The following ZNF385D variants were observed in gnomAD, a reference collection of about 807,000 sequenced individuals.
The protein encoded by ZNF385D is zinc finger protein 659.
ZNF385D carries 15 observed loss-of-function variants against 35.8 expected under a neutral mutation model. The observed-to-expected ratio is 0.42, with a 90% CI of 0.28 to 0.64. The LOEUF (loss-of-function observed/expected upper bound fraction) is 0.64. ZNF385D is among the 30% of genes least tolerant of loss of function. ZNF385D has a pLI of 0.23. For synonymous variants in ZNF385D, 212 were observed against 186.8 expected, an observed-to-expected ratio of 1.13 and a Z score of -1.10; for missense variants, 474 against 494.6, an observed-to-expected ratio of 0.96 and a Z score of 0.39.
At chr3:22,030,681 A>C (rs1697946874) in intron 3 of ZNF385D, among the ~76,000 whole-genome samples, 1 of 152,054 alleles carries the variant, frequency 6.6e-6, no homozygotes, top group African/African-American at 2.4e-5. Context: ...CACAAAGCCA[A>C]ACCATATCAT....
At chr3:21,834,932 G>T (rs553354330) in intron 3 of ZNF385D, among the ~76,000 whole-genome samples, 2 of 152,108 alleles carry the variant, frequency 1.3e-5, no homozygotes, top group African/African-American at 4.8e-5. Flanking sequence ...TCCCAGTCAT[G>T]TAGAATGGTG....
intron 3 of ZNF385D, among the ~76,000 whole-genome samples, chr3:22,032,773 T>C (rs1698080834): frequency 1.3e-5 from 2 of 152,174 alleles, no homozygotes; most frequent in Admixed American, 1.3e-4. Flanking sequence ...ATACTAATGC[T>C]TACTGAGTAC....
chr3:21,928,009 A>T (rs1334195599), intron 3 of ZNF385D, among the ~76,000 whole-genome samples: 2 of 152,114 alleles, frequency 1.3e-5, no homozygotes, highest in Non-Finnish European at 2.9e-5. Context: ...AGTTCACTTG[A>T]GCACAGGAGA....
intron 3 of ZNF385D, among the ~76,000 whole-genome samples, chr3:21,982,819 T>A (rs1016698954): frequency 3.1e-5 from 1 of 32,734 alleles, no homozygotes; most frequent in Non-Finnish European, 5.9e-5. Context: ...ATTGAAAGCC[T>A]TTTTTTTTGC....
At chr3:21,977,797 C>G (rs1292042324) in intron 3 of ZNF385D, among the ~76,000 whole-genome samples, 1 of 152,036 alleles carries the variant, frequency 6.6e-6, no homozygotes, top group African/African-American at 2.4e-5. Context: ...GATCACACCA[C>G]TGTACTCTAG....
At chr3:22,111,152 ATTTTTT>A (rs61708178) in intron 3 of ZNF385D, among the ~76,000 whole-genome samples, 13 of 68,974 alleles carry the variant, frequency 1.9e-4, no homozygotes, top group Admixed American at 7.4e-4. Context: ...TCCATGTTGG[ATTTTTT>A]TTTTTTTTTT....
At chr3:22,271,689 C>CCT (rs1701185625) in intron 2 of ZNF385D, among the ~76,000 whole-genome samples, 1 of 151,808 alleles carries the variant, frequency 6.6e-6, no homozygotes, top group African/African-American at 2.4e-5. Flanking sequence ...CTCCCCCCAC[C>CCT]CTCTGCCTGT....
chr3:22,079,667 G>T (rs1490611301), intron 3 of ZNF385D, among the ~76,000 whole-genome samples: 1 of 151,936 alleles, frequency 6.6e-6, no homozygotes, highest in Non-Finnish European at 1.5e-5. Flanking sequence ...TGGTTTCATT[G>T]ATAGCATAAG....
At chr3:22,173,742 T>C (rs1356321185) in intron 2 of ZNF385D, among the ~76,000 whole-genome samples, 1 of 152,168 alleles carries the variant, frequency 6.6e-6, no homozygotes, top group Admixed American at 6.6e-5. Flanking sequence ...TCCTATCTTC[T>C]TACTTGCCGT....
At chr3:21,697,480 A>G (rs577343591) in intron 1 of ZNF385D, among the ~76,000 whole-genome samples, 35 of 152,272 alleles carry the variant, frequency 2.3e-4, no homozygotes, top group South Asian at 4.1e-4. Context: ...AGTAAAGGGT[A>G]CAGAATTGTA....
chr3:21,441,731 CT>C lies in ZNF385D; in HGVS notation c.440-4529del, dbSNP rs975655647. The C allele has an allele frequency of 3.4e-5, 33 of 984,548 alleles. No homozygotes were observed. The East Asian group carries it at 3.4e-4, about 10-fold the overall frequency. 61.0% of individuals were successfully genotyped at this position (984,548 alleles called of 1,614,324 possible). A position where few individuals can be genotyped will look rare whatever the true frequency, so the allele number is the denominator to read the frequency against. On this transcript the variant is annotated intron_variant, in intron 4 of 7. Coordinates refer to ENST00000281523, the MANE Select transcript of ZNF385D (RefSeq NM_024697.3). ...AATAAACCACAGGGCTTCATTGCAC[CT>C]TTTTTTCCCCCTGCAAAAGATGAGA...
At chr3:21,480,685 A>T (rs1450353434) in intron 4 of ZNF385D, among the ~76,000 whole-genome samples, 8 of 152,164 alleles carry the variant, frequency 5.3e-5, no homozygotes, top group Non-Finnish European at 4.4e-5. Flanking sequence ...ACGTTATTTG[A>T]TTGACATTCG....
chr3:22,182,470 CTT>C (rs1350293289), intron 2 of ZNF385D, among the ~76,000 whole-genome samples: 1 of 152,064 alleles, frequency 6.6e-6, no homozygotes. Flanking sequence ...TTATGACAAT[CTT>C]TCCTTCAGAG....
intron 3 of ZNF385D, among the ~76,000 whole-genome samples, chr3:21,766,346 A>G (rs1031473526): frequency 6.6e-6 from 1 of 152,156 alleles, no homozygotes; most frequent in Non-Finnish European, 1.5e-5. Context: ...TACTTTTGAC[A>G]CATACCACAA....
chr3:21,628,051 C>CT (rs1353983627), intron 2 of ZNF385D, among the ~76,000 whole-genome samples: 1 of 152,110 alleles, frequency 6.6e-6, no homozygotes, highest in East Asian at 1.9e-4. Flanking sequence ...AATGAGTTTA[C>CT]TACTGACATC....
rs1216606073 is a variant in ZNF385D at position 22,044,100 on chromosome 3, T to C, written c.325+124717A>G. The stretch of plus-strand genomic sequence containing the variant: ...CACGAAACCTGGGAAAAACTTTTTT[T>C]TTTTTTTTAATGTAATGGCCTCAGG... On this transcript the variant is annotated intron_variant, in intron 3 of 5. Transcript: ENST00000494108. 4.6e-5 allele frequency among the ~76,000 whole-genome samples: 7 copies of C among 152,112 alleles called. 1 individual carries two copies. Among genetic ancestry groups the C allele is most frequent in the African/African-American group, 1.2e-4 (5 of 41,506 alleles).
chr3:21,864,300 A>G (rs561398516), intron 3 of ZNF385D, among the ~76,000 whole-genome samples: 1 of 152,234 alleles, frequency 6.6e-6, no homozygotes, highest in South Asian at 2.1e-4. Context: ...ACCTTTTCAT[A>G]TCAACCCCAT....
At chr3:21,512,020 A>G (rs919742871) in intron 3 of ZNF385D, among the ~76,000 whole-genome samples, 1 of 151,058 alleles carries the variant, frequency 6.6e-6, no homozygotes, top group African/African-American at 2.4e-5. Flanking sequence ...GGTGGCACAC[A>G]CCTATAGTCC....
At chr3:22,044,603 G>A (rs1430958666) in intron 3 of ZNF385D, among the ~76,000 whole-genome samples, 1 of 152,092 alleles carries the variant, frequency 6.6e-6, no homozygotes, top group Non-Finnish European at 1.5e-5. Flanking sequence ...TAGGGAAGGT[G>A]GTGATGAATT....
Sources: gnomAD v4.1 joint callset for allele counts (sites outside exome capture counted in the v4.1 genomes callset) on GRCh38, gnomAD v4.1.1 for gene constraint, MANE v1.5 for transcripts, NCBI Gene and HGNC (gene_info 2026-07-23, HGNC 2026-07-21) for gene names.